CHIT1: variants seen among roughly 807,000 people sequenced by gnomAD.
CHIT1 encodes the protein chitotriosidase-1.
In CHIT1, 47 loss-of-function variants were observed where a neutral mutation model predicts 52.0. The observed-to-expected ratio is 0.90, with a 90% confidence interval of 0.71 to 1.15. The LOEUF is 1.15. Ranked by LOEUF, CHIT1 falls within the 50% of genes most tolerant of loss-of-function variation. CHIT1 has a pLI of 0.00. For missense variants in CHIT1, 569 were observed against 583.0 expected, an observed-to-expected ratio of 0.98 and a Z score of 0.25; for synonymous variants, 242 against 228.2, an observed-to-expected ratio of 1.06 and a Z score of -0.54.
At position 203,216,883 on chromosome 1, in the gene CHIT1, A is replaced by T; in HGVS notation, c.*6T>A. 6.2e-7 allele frequency: 1 copy of T among 1,613,984 alleles called. No individual in the cohort carries two copies. Among genetic ancestry groups the T allele is most frequent in the Non-Finnish European group, 8.5e-7 (1 of 1,180,016 alleles). Reference sequence around the variant, plus strand: ...TCAAAGCTGGGACTGGAGGGGCTTTAGCGACTCAATTCCAGGTGCAGCATT... The same window carrying T: ...TCAAAGCTGGGACTGGAGGGGCTTTTGCGACTCAATTCCAGGTGCAGCATT... On this transcript the variant is annotated 3_prime_UTR_variant, in exon 11 of 11. Coordinates refer to ENST00000367229, the MANE Select transcript of CHIT1 (RefSeq NM_003465.3).
chr1:203,217,244 CTACAGGCTGAG>C lies in CHIT1; in HGVS notation c.1157-122_1157-112del, dbSNP rs1318532650. Reference sequence around the variant, plus strand: ...TGGCAGCAGCCCAGCACCACATGCCCTACAGGCTGAGTACAGCCAGATACCCCAGGCAGAGA... The same window carrying C: ...TGGCAGCAGCCCAGCACCACATGCCCTACAGCCAGATACCCCAGGCAGAGA... On this transcript the variant is annotated intron_variant, in intron 10 of 10. Transcript: ENST00000367229. The C allele has an allele frequency of 1.3e-5, 21 of 1,587,268 alleles. No individual in the cohort carries two copies. The African/African-American group carries it at 2.1e-4, about 16-fold the overall frequency.
chr1:203,218,379 T>A (rs1029429948), intron 9 of CHIT1, among the ~76,000 whole-genome samples: 7 of 152,148 alleles, frequency 4.6e-5, no homozygotes, highest in African/African-American at 1.7e-4. Context: ...GACTGTGTGT[T>A]CCCTCAGAGT....
chr1:203,229,246 C>T (rs988586167), intron 1 of CHIT1, among the ~76,000 whole-genome samples: 5 of 152,086 alleles, frequency 3.3e-5, no homozygotes, highest in South Asian at 2.1e-4. Flanking sequence ...TGGCAGTGGG[C>T]GCTTCTTGGA....
chr1:203,229,726 C>T, upstream of CHIT1: 3 of 1,521,828 alleles, frequency 2.0e-6, no homozygotes, highest in Non-Finnish European at 2.7e-6. Context: ...CCACCCCAGC[C>T]AGGAGTGTTG....
At chr1:203,225,269 A>T (rs975492883) in intron 3 of CHIT1, among the ~76,000 whole-genome samples, 165 bp from the exon 4 acceptor site, 1 of 152,002 alleles carries the variant, frequency 6.6e-6, no homozygotes, top group East Asian at 1.9e-4. Flanking sequence ...TGGAAAAGGG[A>T]AGTCACGTTC....
In CHIT1 at chr1:203,219,295, A is replaced by G; in HGVS notation, c.950T>C (p.Ile317Thr). ...GATGTAGGGCACCTTCTGATCCTGG[A>G]TTCTCTGTTTGGTGGCCCCCTTCCA... Reference protein sequence around the residue: ...CSWKGATKQRIQDQKVPYIFR... With the variant: ...CSWKGATKQRTQDQKVPYIFR... The change falls in exon 9 of 11, where the codon ATC becomes ACC. Residue 317 changes from isoleucine (I) to threonine (T), a missense_variant. By Grantham distance (89) the Ile-to-Thr change is moderately conservative (BLOSUM62 -1). Coordinates refer to ENST00000367229, the MANE Select transcript of CHIT1 (RefSeq NM_003465.3). 6.2e-7 allele frequency: 1 copy of G among 1,612,748 alleles called. No individual in the cohort carries two copies. The highest frequency in any genetic ancestry group is 2.2e-5 in the East Asian group (1 of 44,868).
At chr1:203,227,557 G>A (rs905402394) in intron 2 of CHIT1, among the ~76,000 whole-genome samples, 10 of 152,216 alleles carry the variant, frequency 6.6e-5, no homozygotes, top group African/African-American at 2.4e-4. Flanking sequence ...GCTTCCTCCT[G>A]TGTGAAACGG....
intron 2 of CHIT1, among the ~76,000 whole-genome samples, chr1:203,227,697 C>G (rs1260033441): frequency 6.6e-6 from 1 of 152,194 alleles, no homozygotes; most frequent in African/African-American, 2.4e-5. Context: ...TATATTAACC[C>G]TTAGTCCACA....
At chr1:203,222,987 G>T in intron 6 of CHIT1, 148 bp downstream of exon 6, 1 of 1,075,086 alleles carries the variant, frequency 9.3e-7, no homozygotes, top group Non-Finnish European at 1.4e-6. Flanking sequence ...CAAAAGCAGG[G>T]AATTTTCTGC....
chr1:203,227,395 T>C (rs989548666), intron 2 of CHIT1, among the ~76,000 whole-genome samples: 2 of 152,236 alleles, frequency 1.3e-5, no homozygotes, highest in Non-Finnish European at 2.9e-5. Context: ...AGGAAGCTCT[T>C]TTTCTATCAT....
chr1:203,229,748 ACT>A, upstream of CHIT1: 1 of 1,253,284 alleles, frequency 8.0e-7, no homozygotes, highest in Non-Finnish European at 1.2e-6. Flanking sequence ...AATCAGGGGC[ACT>A]GGGTGGGGGG....
In CHIT1 at chr1:203,217,778, C is replaced by T. The variant is rs779206133; in HGVS notation, c.1117G>A (p.Gly373Ser). 5 of 1,609,676 alleles carry T rather than the reference C, an allele frequency of 3.1e-6. No individual in the cohort carries two copies. The change falls in exon 10 of 11, where the codon GGC becomes AGC. Residue 373 changes from glycine (G) to serine (S), a missense_variant. Coordinates refer to ENST00000367229, the MANE Select transcript of CHIT1 (RefSeq NM_003465.3). ...AGCGTCTGGATGAGGGGGTATCGGC[C>T]CTGGTTGCAGGAGAAGCCGGCAAAG... The part of the protein sequence containing the change: ...DDFAGFSCNQ[G>S]RYPLIQTLRQ...
In CHIT1 at chr1:203,216,274, C is replaced by G. The variant is rs969449206; in HGVS notation, c.*615G>C. On this transcript the variant is annotated 3_prime_UTR_variant, in exon 11 of 11. Transcript: ENST00000367229. ...AGATAGGGCCTGCAAAGGGCCCAAA[C>G]AGGATTTATCTCGAAGACCCCTGAG... The G allele has an allele frequency of 2.2e-5, 10 of 453,962 alleles. No individual in the cohort carries two copies. Among genetic ancestry groups the G allele is most frequent in the African/African-American group, 1.8e-4 (9 of 49,982 alleles). 28.1% of individuals were successfully genotyped at this position (453,962 alleles called of 1,614,324 possible).
At chr1:203,223,719 A>G in intron 4 of CHIT1, 59 bp from the exon 5 acceptor site, 5 of 1,568,362 alleles carry the variant, frequency 3.2e-6, no homozygotes, top group Non-Finnish European at 4.4e-6. Context: ...GGCCACTCTT[A>G]CTCAGAAGCA....
Position 203,218,686 on chromosome 1 carries a change from C to T in CHIT1, c.1029+530G>A, listed in dbSNP as rs541718316. On this transcript the variant is annotated intron_variant, in intron 9 of 10. Coordinates refer to ENST00000367229, the MANE Select transcript of CHIT1 (RefSeq NM_003465.3). ...ATCTCCCCAGCCAGGATCGTGCCCCCCTGCAATTGTCCACCTCTAGAAGCT... is the reference window on the plus strand; with the variant it reads ...ATCTCCCCAGCCAGGATCGTGCCCCTCTGCAATTGTCCACCTCTAGAAGCT... Among the ~76,000 whole-genome samples the T allele has an allele frequency of 1.1e-4, 17 of 152,248 alleles. No homozygotes were observed. The East Asian group carries it at 2.9e-3, about 26-fold the overall frequency.
intron 7 of CHIT1, 30 bp from the exon 8 acceptor site, chr1:203,219,879 C>A (rs1225666531): frequency 6.2e-7 from 1 of 1,610,380 alleles, no homozygotes; most frequent in Non-Finnish European, 8.5e-7. Flanking sequence ...TTAATTTTCT[C>A]AGCCCTCAGC....
Position 203,217,756 on chromosome 1 carries a change from G to C in CHIT1, c.1139C>G (p.Thr380Arg). The change falls in exon 10 of 11, where the codon ACG (threonine) becomes AGG (arginine). Residue 380 changes from threonine (T) to arginine (R), a missense_variant. Transcript: ENST00000367229. ...CNQGRYPLIQ[T>R]LRQELSLPYL... ...TTACTTACTCAGTTCCTGCCGTAGCGTCTGGATGAGGGGGTATCGGCCCTG... is the reference window on the plus strand; with the variant it reads ...TTACTTACTCAGTTCCTGCCGTAGCCTCTGGATGAGGGGGTATCGGCCCTG... The C allele has an allele frequency of 1.2e-6, 2 of 1,613,726 alleles. No individual in the cohort carries two copies. Among genetic ancestry groups the C allele is most frequent in the Non-Finnish European group, 1.7e-6 (2 of 1,179,778 alleles).
intron 4 of CHIT1, among the ~76,000 whole-genome samples, chr1:203,224,479 G>T (rs1162362471): frequency 2.6e-5 from 4 of 152,180 alleles, no homozygotes; most frequent in African/African-American, 9.7e-5. Context: ...ATCCAAAAAA[G>T]TTTTAGAAAG....
chr1:203,217,911 C>T (rs1396184387), intron 9 of CHIT1, 46 bp from the exon 10 acceptor site: 7 of 1,582,620 alleles, frequency 4.4e-6, no homozygotes, highest in African/African-American at 2.7e-5. Context: ...GAAGCCTGAC[C>T]CGGCCACCCC....
Sources: gnomAD v4.1 joint callset for allele counts (sites outside exome capture counted in the v4.1 genomes callset) on GRCh38, gnomAD v4.1.1 for gene constraint, MANE v1.5 for transcripts, NCBI Gene and HGNC (gene_info 2026-07-23, HGNC 2026-07-21) for gene names.